CMIP: variants seen among roughly 807,000 people sequenced by gnomAD.
The protein encoded by CMIP is C-Maf-inducing protein.
In CMIP, 13 loss-of-function variants were observed where a neutral mutation model predicts 97.3. That is an observed-to-expected ratio of 0.13 (90% CI 0.09 to 0.21). CMIP has a LOEUF of 0.21. Among genes scored for constraint, CMIP ranks in the 10% least tolerant of loss-of-function variants. The probability of loss-of-function intolerance (pLI) is 1.00; values close to 1 mark genes in which losing one functional copy is unlikely to be tolerated. For missense variants in CMIP, 847 were observed against 1,024.9 expected, an observed-to-expected ratio of 0.83 and a Z score of 2.37; for synonymous variants, 538 against 436.3, an observed-to-expected ratio of 1.23 and a Z score of -2.91.
At position 81,705,583 on chromosome 16, in the gene CMIP, G is replaced by A. The variant is rs1262204453; in HGVS notation, c.2176G>A (p.Ala726Thr). 3.1e-6 allele frequency: 5 copies of A among 1,603,202 alleles called. No homozygotes were observed. The highest frequency in any genetic ancestry group is 1.1e-5 in the South Asian group (1 of 89,258). ...CCTGTGCGAGACCCCGGTCACAGAC[G>A]CTGGCCTGCTGGCCCTGAGCTGTGA... Reference protein sequence around the residue: ...LNLCETPVTDAGLLALSSMKS... With the variant: ...LNLCETPVTDTGLLALSSMKS... The change falls in exon 19 of 21, where the codon GCT (alanine) becomes ACT (threonine). Residue 726 changes from alanine (A) to threonine (T), a missense_variant. Ala to Thr is a moderately conservative substitution (Grantham distance 58, BLOSUM62 0). This residue lies in a region of CMIP where 266 missense variants were observed against 384.2 expected (regional missense o/e 0.69). Coordinates refer to ENST00000537098, the MANE Select transcript of CMIP (RefSeq NM_198390.3).
intron 1 of CMIP, among the ~76,000 whole-genome samples, chr16:81,579,151 A>AC (rs928916012): frequency 1.2e-4 from 18 of 152,014 alleles, no homozygotes; most frequent in African/African-American, 4.1e-4. Context: ...TGGGGATGGC[A>AC]CCCCCCTGCC....
At chr16:81,495,464 C>T (rs566710637) in intron 1 of CMIP, 21 of 1,612,680 alleles carry the variant, frequency 1.3e-5, no homozygotes, top group Admixed American at 3.3e-5. Flanking sequence ...TCCGCCCTGG[C>T]GTCCGGGGAA....
chr16:81,636,064 G>A (rs890012550), intron 3 of CMIP, among the ~76,000 whole-genome samples: 11 of 134,370 alleles, frequency 8.2e-5, no homozygotes, highest in African/African-American at 2.7e-4. Flanking sequence ...TTTAAATTGG[G>A]CTGGTTGTGT....
At chr16:81,636,572 C>A in intron 3 of CMIP, among the ~76,000 whole-genome samples, 1 of 120,914 alleles carries the variant, frequency 8.3e-6, no homozygotes, top group African/African-American at 3.1e-5. Context: ...CAGAGTGAAA[C>A]TTCGTCTCAA....
At chr16:81,576,035 G>T (rs1176881961) in intron 1 of CMIP, among the ~76,000 whole-genome samples, 1 of 152,132 alleles carries the variant, frequency 6.6e-6, no homozygotes, top group Non-Finnish European at 1.5e-5. Context: ...CAACCCTCTA[G>T]GGTAGATACT....
chr16:81,608,623 G>T (rs1011068553), intron 2 of CMIP, among the ~76,000 whole-genome samples: 1 of 151,994 alleles, frequency 6.6e-6, no homozygotes, highest in East Asian at 1.9e-4. Context: ...CCCAGGTCTC[G>T]GATTGGTAGC....
chr16:81,602,978 C>G (rs892363474), intron 1 of CMIP, among the ~76,000 whole-genome samples: 2 of 152,210 alleles, frequency 1.3e-5, no homozygotes, highest in African/African-American at 4.8e-5. Context: ...CAAGGAACAG[C>G]AGCGTTCAGA....
rs1217109707 is a variant in CMIP, at chr16:81,710,527, C to T, written c.*728C>T. The T allele has an allele frequency of 6.9e-6, 1 of 144,830 alleles. No individual in the cohort carries two copies. The highest frequency in any genetic ancestry group is 1.5e-5 in the Non-Finnish European group (1 of 66,314). 9.0% of individuals were successfully genotyped at this position (144,830 alleles called of 1,614,324 possible). A position where few individuals can be genotyped will look rare whatever the true frequency, so the allele number is the denominator to read the frequency against. ...TATTTTTTTAAAGGAAACAAACAGA[C>T]AACAAAAAGAAGAAAAAAAAAAAGA... On this transcript the variant is annotated 3_prime_UTR_variant, in exon 21 of 21. Coordinates refer to ENST00000537098, the MANE Select transcript of CMIP (RefSeq NM_198390.3).
intron 1 of CMIP, among the ~76,000 whole-genome samples, chr16:81,560,134 G>A (rs1343691690): frequency 1.5e-5 from 2 of 135,832 alleles, no homozygotes; most frequent in Non-Finnish European, 3.2e-5. Context: ...GCGACAGAGC[G>A]AGACTCTGTC....
intron 7 of CMIP, among the ~76,000 whole-genome samples, chr16:81,667,666 G>A (rs939158186): frequency 6.6e-6 from 1 of 151,714 alleles, no homozygotes; most frequent in Non-Finnish European, 1.5e-5. Context: ...AGTGGGGTCA[G>A]TGAGGCCCAG....
intron 1 of CMIP, among the ~76,000 whole-genome samples, chr16:81,581,862 C>T (rs2091301727): frequency 6.6e-6 from 1 of 152,164 alleles, no homozygotes; most frequent in African/African-American, 2.4e-5. Context: ...GCAGAGGGGC[C>T]TTGTATTAAT....
At chr16:81,483,254 G>A (rs1041248291) in intron 1 of CMIP, among the ~76,000 whole-genome samples, 1 of 152,212 alleles carries the variant, frequency 6.6e-6, no homozygotes, top group Non-Finnish European at 1.5e-5. Context: ...CAAAGGCCAT[G>A]GGGCAGCGGC....
At chr16:81,620,508 C>T in intron 2 of CMIP, 1 of 231,864 alleles carries the variant, frequency 4.3e-6, no homozygotes, top group South Asian at 6.6e-5. Context: ...AGGCCCCCAG[C>T]CAGCCCCCAC....
intron 1 of CMIP, among the ~76,000 whole-genome samples, chr16:81,476,732 C>G (rs1907947354): frequency 1.3e-5 from 2 of 152,220 alleles, no homozygotes; most frequent in Admixed American, 1.3e-4. Flanking sequence ...TAGATTGCTT[C>G]TAGATTTTTG....
intron 1 of CMIP, among the ~76,000 whole-genome samples, chr16:81,488,563 C>G (rs892855756): frequency 6.6e-6 from 1 of 152,138 alleles, no homozygotes; most frequent in African/African-American, 2.4e-5. Flanking sequence ...TGGATATATG[C>G]GTCTCCTGGG....
In CMIP at chr16:81,584,086, G is replaced by A. The variant is rs747541077; in HGVS notation, c.301-23481G>A. ...CTCACTAGATTCAAGGGCTGGGAGCGCCGAATCCAAGGGAGAAGTGGAGTT... is the reference window on the plus strand; with the variant it reads ...CTCACTAGATTCAAGGGCTGGGAGCACCGAATCCAAGGGAGAAGTGGAGTT... On this transcript the variant is annotated intron_variant, in intron 1 of 20. Transcript: ENST00000537098. Among the ~76,000 whole-genome samples, 53 of 152,118 alleles carry A rather than the reference G, an allele frequency of 3.5e-4. 1 individual carries two copies. Among genetic ancestry groups the A allele is most frequent in the African/African-American group, 8.0e-4 (33 of 41,436 alleles).
chr16:81,554,587 C>G (rs1377043306), intron 1 of CMIP, among the ~76,000 whole-genome samples: 2 of 152,354 alleles, frequency 1.3e-5, no homozygotes, highest in South Asian at 4.1e-4. Flanking sequence ...TAATCGAATT[C>G]ATGTTTACCT....
At chr16:81,680,217 A>G (rs961254926) in intron 10 of CMIP, among the ~76,000 whole-genome samples, 1 of 152,112 alleles carries the variant, frequency 6.6e-6, no homozygotes, top group Non-Finnish European at 1.5e-5. Context: ...GGTTTCCCTG[A>G]GCCCCTGTGT....
rs192074864 is a variant in CMIP, at chr16:81,595,356, T to C, written c.301-12211T>C. ...TGTGTGGTCTTTTGTGTGGCTTCTTTTGCTTTGTGTAATACTTTCTTTCCT... is the reference window on the plus strand; with the variant it reads ...TGTGTGGTCTTTTGTGTGGCTTCTTCTGCTTTGTGTAATACTTTCTTTCCT... On this transcript the variant is annotated intron_variant, in intron 1 of 20. Transcript: ENST00000537098. Among the ~76,000 whole-genome samples the C allele has an allele frequency of 2.0e-5, 3 of 152,218 alleles. No homozygotes were observed. In the East Asian group the frequency reaches 5.8e-4, roughly 29 times the overall value.
Sources: gnomAD v4.1 joint callset for allele counts (sites outside exome capture counted in the v4.1 genomes callset) on GRCh38, gnomAD v4.1.1 for gene constraint, gnomAD v4.1.1 regional missense constraint, MANE v1.5 for transcripts, NCBI Gene and HGNC (gene_info 2026-07-23, HGNC 2026-07-21) for gene names.